PPP1R9A: variants seen among roughly 807,000 people sequenced by gnomAD.
PPP1R9A encodes protein phosphatase 1 regulatory subunit 9A.
In PPP1R9A, 59 loss-of-function variants were observed where a neutral mutation model predicts 141.9. That is an observed-to-expected ratio of 0.42 (90% CI 0.34 to 0.52). The LOEUF (loss-of-function observed/expected upper bound fraction) is 0.52. Among genes scored for constraint, PPP1R9A ranks in the 20% least tolerant of loss-of-function variants. PPP1R9A has a pLI of 0.10. For missense variants in PPP1R9A, 1,444 were observed against 1,611.9 expected, an observed-to-expected ratio of 0.90 and a Z score of 1.78; for synonymous variants, 500 against 569.7, an observed-to-expected ratio of 0.88 and a Z score of 1.74.
chr7:95,203,654 A>G lies in PPP1R9A; in HGVS notation c.1891-11A>G. On this transcript the variant is annotated splice_polypyrimidine_tract_variant and intron_variant, in intron 6 of 19. Coordinates refer to ENST00000433360, the MANE Select transcript of PPP1R9A (RefSeq NM_001166160.2). The stretch of plus-strand genomic sequence containing the variant: ...TAAGCCTTCTTTAATATTTTTTGTC[A>G]ACCATTTTAGAACACTGTGGCTGAA... The G allele has an allele frequency of 6.5e-7, 1 of 1,534,074 alleles. No homozygotes were observed. The highest frequency in any genetic ancestry group is 2.0e-5 in the Admixed American group (1 of 50,652).
intron 4 of PPP1R9A, among the ~76,000 whole-genome samples, chr7:95,124,153 A>G (rs1446032452): frequency 6.6e-6 from 1 of 152,186 alleles, no homozygotes; most frequent in Admixed American, 6.5e-5. Context: ...TTCCACCACT[A>G]CTGGTGTGTT....
At chr7:94,949,143 G>GA (rs1394295581) in intron 2 of PPP1R9A, among the ~76,000 whole-genome samples, 1 of 152,122 alleles carries the variant, frequency 6.6e-6, no homozygotes, top group African/African-American at 2.4e-5. Context: ...ATCCAGTTTT[G>GA]ATTAGTCTAA....
chr7:95,246,795 G>A (rs1798181195), intron 8 of PPP1R9A, among the ~76,000 whole-genome samples: 1 of 152,136 alleles, frequency 6.6e-6, no homozygotes, highest in Admixed American at 6.6e-5. Context: ...AAAGCGGGGG[G>A]AGGGACAAGC....
intron 2 of PPP1R9A, among the ~76,000 whole-genome samples, chr7:94,916,069 C>T (rs1489027329): frequency 6.6e-6 from 1 of 152,072 alleles, no homozygotes; most frequent in Non-Finnish European, 1.5e-5. Context: ...TGTCTTACTC[C>T]CAGCTTACCT....
At chr7:95,046,923 C>T (rs1220982420) in intron 2 of PPP1R9A, among the ~76,000 whole-genome samples, 1 of 152,174 alleles carries the variant, frequency 6.6e-6, no homozygotes, top group Non-Finnish European at 1.5e-5. Flanking sequence ...CTCAGAGAAA[C>T]GGTTTGCAGC....
intron 8 of PPP1R9A, among the ~76,000 whole-genome samples, chr7:95,227,577 C>T (rs567512173): frequency 6.6e-6 from 1 of 152,300 alleles, no homozygotes; most frequent in African/African-American, 2.4e-5. Flanking sequence ...GCATGCCCAT[C>T]TCTTTATTGT....
chr7:95,287,243 T>C, intron 18 of PPP1R9A: 8 of 1,336,574 alleles, frequency 6.0e-6, no homozygotes, highest in Non-Finnish European at 8.6e-6. Context: ...TATCTTCCTC[T>C]GTAGTGAAGG....
In PPP1R9A at chr7:95,291,239, G is replaced by A. The variant is rs1806311666; in HGVS notation, c.*936G>A. 1 of 152,122 alleles carries A rather than the reference G, an allele frequency of 6.6e-6. No homozygotes were observed. The highest frequency in any genetic ancestry group is 2.4e-5 in the African/African-American group (1 of 41,414). The allele number at this position is 152,122 out of a possible 1,614,324, so 9.4% of individuals were successfully genotyped here. On this transcript the variant is annotated 3_prime_UTR_variant, in exon 20 of 20. Coordinates refer to ENST00000433360, the MANE Select transcript of PPP1R9A (RefSeq NM_001166160.2). ...ACCATTTTCAGGTTTCCTCTCCTGG[G>A]GAACATTCTGGCTGGTCTTCAGCCT...
intron 2 of PPP1R9A, among the ~76,000 whole-genome samples, chr7:94,940,643 C>G (rs1332651910): frequency 6.6e-6 from 1 of 151,972 alleles, no homozygotes; most frequent in African/African-American, 2.4e-5. Context: ...TAAGTCTCTT[C>G]AGAATCCCTC....
At chr7:95,187,630 T>A (rs1281574657) in intron 5 of PPP1R9A, among the ~76,000 whole-genome samples, 2 of 152,190 alleles carry the variant, frequency 1.3e-5, no homozygotes, top group Non-Finnish European at 2.9e-5. Context: ...CTTTTTGATG[T>A]AGGCAGTTAA....
intron 2 of PPP1R9A, among the ~76,000 whole-genome samples, chr7:94,966,633 G>A (rs1239395004): frequency 1.3e-5 from 2 of 152,290 alleles, no homozygotes; most frequent in Non-Finnish European, 2.9e-5. Context: ...ATTTGCCTGT[G>A]TTGAACCAGC....
intron 16 of PPP1R9A, among the ~76,000 whole-genome samples, chr7:95,275,505 A>G (rs1803004574): frequency 3.3e-5 from 5 of 152,014 alleles, no homozygotes; most frequent in Non-Finnish European, 7.4e-5. Context: ...GCCCAGGGTT[A>G]TGCAGCAGGC....
At position 95,226,122 on chromosome 7, in the gene PPP1R9A, C is replaced by T; in HGVS notation, c.2112+6C>T. 6.2e-7 allele frequency: 1 copy of T among 1,606,528 alleles called. No individual in the cohort carries two copies. Among genetic ancestry groups the T allele is most frequent in the Non-Finnish European group, 8.5e-7 (1 of 1,174,162 alleles). ...TCAGTCACAAGTTCAAAGAGGTATG[C>T]CACTAAGCTGCAAAATATTTCTTTA... On this transcript the variant is annotated splice_donor_region_variant and intron_variant, in intron 8 of 19. Transcript: ENST00000433360.
intron 8 of PPP1R9A, among the ~76,000 whole-genome samples, chr7:95,229,621 C>T (rs982932845): frequency 2.0e-5 from 3 of 152,078 alleles, no homozygotes; most frequent in African/African-American, 7.2e-5. Flanking sequence ...CAAGCCCCAC[C>T]AAAGGAGAGA....
chr7:94,937,691 C>T (rs367900038), intron 2 of PPP1R9A, among the ~76,000 whole-genome samples: 37 of 152,144 alleles, frequency 2.4e-4, no homozygotes, highest in Middle Eastern at 6.8e-3. Context: ...GGGTGAGAAC[C>T]TTTATGTAAT....
At chr7:95,103,362 CTTTT>C (rs897838647) in intron 2 of PPP1R9A, among the ~76,000 whole-genome samples, 5 of 88,816 alleles carry the variant, frequency 5.6e-5, no homozygotes, top group African/African-American at 1.9e-4. Flanking sequence ...TTTTTCACTT[CTTTT>C]TTTTTTTTTT....
Position 95,287,050 on chromosome 7 carries a change from T to G in PPP1R9A, c.3729+725T>G, listed in dbSNP as rs1195117688. 12 of 1,522,246 alleles carry G rather than the reference T, an allele frequency of 7.9e-6. No homozygotes were observed. The Admixed American group carries it at 8.4e-5, about 11-fold the overall frequency. The allele number at this position is 1,522,246 out of a possible 1,614,324, so 94.3% of individuals were successfully genotyped here. On this transcript the variant is annotated intron_variant, in intron 18 of 19. Coordinates refer to ENST00000433360, the MANE Select transcript of PPP1R9A (RefSeq NM_001166160.2). ...TTATTAAAATTATGTACTATATATG[T>G]TGTGTCTCCTGTTTCTGTAACACTT...
intron 7 of PPP1R9A, among the ~76,000 whole-genome samples, chr7:95,213,308 T>TTCTTTC (rs1792532273): frequency 6.7e-6 from 1 of 150,292 alleles, no homozygotes; most frequent in Admixed American, 6.7e-5. Flanking sequence ...TGTACTATCT[T>TTCTTTC]TCTTTCTCTT....
At chr7:95,137,415 C>CAAAAAAAAAAAAAAAAAAAAAAAAA (rs33928009) in intron 4 of PPP1R9A, among the ~76,000 whole-genome samples, 1 of 91,520 alleles carries the variant, frequency 1.1e-5, no homozygotes, top group African/African-American at 4.3e-5. Context: ...GACATGAACT[C>CAAAAAAAAAAAAAAAAAAAAAAAAA]AAAAAAAAAA....
Sources: gnomAD v4.1 joint callset for allele counts (sites outside exome capture counted in the v4.1 genomes callset) on GRCh38, gnomAD v4.1.1 for gene constraint, MANE v1.5 for transcripts, NCBI Gene and HGNC (gene_info 2026-07-23, HGNC 2026-07-21) for gene names.